Variants in ACADL observed in about 807,000 individuals in gnomAD.
The protein encoded by ACADL is long-chain specific acyl-CoA dehydrogenase, mitochondrial.
Under a neutral mutation model 56.9 loss-of-function variants are expected in ACADL, and 60 were observed. The observed-to-expected ratio is 1.05, with a 90% confidence interval of 0.86 to 1.31. The LOEUF (loss-of-function observed/expected upper bound fraction) is 1.31, where lower values mean the gene tolerates loss of function less well. Ranked by LOEUF, ACADL falls within the 50% of genes most tolerant of loss-of-function variation. ACADL has a pLI of 0.00. For synonymous variants in ACADL, 158 were observed against 179.7 expected, an observed-to-expected ratio of 0.88 and a Z score of 0.97; for missense variants, 484 against 525.5, an observed-to-expected ratio of 0.92 and a Z score of 0.77.
At chr2:210,189,869 G>A (rs1688604097) in intron 10 of ACADL, among the ~76,000 whole-genome samples, 1 of 152,094 alleles carries the variant, frequency 6.6e-6, no homozygotes, top group African/African-American at 2.4e-5. Flanking sequence ...GCTATTTAAT[G>A]GTCACCAACA....
chr2:210,192,402 A>C (rs1314652418), intron 10 of ACADL, among the ~76,000 whole-genome samples: 1 of 152,166 alleles, frequency 6.6e-6, no homozygotes, highest in Non-Finnish European at 1.5e-5. Context: ...AGGCACAAGA[A>C]TTATTTGAAC....
chr2:210,199,497 A>AT (rs1688761446), intron 8 of ACADL, among the ~76,000 whole-genome samples: 1 of 152,072 alleles, frequency 6.6e-6, no homozygotes. Context: ...TTAAAAGAAT[A>AT]TTTTTCCCCT....
chr2:210,218,180 A>T, intron 2 of ACADL, 78 bp from the exon 3 acceptor site: 1 of 1,359,242 alleles, frequency 7.4e-7, no homozygotes, highest in Non-Finnish European at 1.0e-6. Flanking sequence ...CTTATGAATG[A>T]TTTTGTGTAG....
In ACADL at chr2:210,220,690, C is replaced by A; in HGVS notation, c.190G>T (p.Val64Leu). Residue 64 changes from valine to leucine, a missense_variant, in exon 2 of 11, where the codon GTA becomes TTA. By Grantham distance (32) the Val-to-Leu change is conservative. Transcript: ENST00000233710. ...ACTTCTTCTTGGAAAAACTTCCTTA[C>A]ACTTTTCCGGAAAATGTCATGCTCT... is the stretch of plus-strand genomic sequence containing the variant. ...SPEHDIFRKS[V>L]RKFFQEEVIP... 1.2e-6 allele frequency: 2 copies of A among 1,613,586 alleles called. No homozygotes were observed. The highest frequency in any genetic ancestry group is 1.7e-6 in the Non-Finnish European group (2 of 1,179,772).
chr2:210,210,323 ATATAAG>A (rs1187356952), intron 4 of ACADL, 61 bp from the exon 5 acceptor site: 15 of 1,237,762 alleles, frequency 1.2e-5, no homozygotes, highest in African/African-American at 1.0e-4. Context: ...TATACAAATG[ATATAAG>A]TATGTATGTA....
intron 1 of ACADL, chr2:210,224,289 A>T: frequency 2.4e-6 from 1 of 410,008 alleles, no homozygotes; most frequent in Non-Finnish European, 3.3e-6. Flanking sequence ...AGGAAGAGTT[A>T]AGTATGTATC....
At chr2:210,198,645 C>T (rs1043763951) in intron 8 of ACADL, among the ~76,000 whole-genome samples, 1 of 151,924 alleles carries the variant, frequency 6.6e-6, no homozygotes, top group Non-Finnish European at 1.5e-5. Context: ...AGTGTAGGTT[C>T]TGGAATTAGA....
intron 10 of ACADL, 83 bp downstream of exon 10, chr2:210,192,721 C>T (rs944024241): frequency 9.7e-7 from 1 of 1,030,694 alleles, no homozygotes; most frequent in African/African-American, 1.6e-5. Context: ...ACCTCCTTTC[C>T]CTCTACATTT....
intron 9 of ACADL, among the ~76,000 whole-genome samples, 197 bp downstream of exon 9, chr2:210,195,014 C>A (rs1688684846): frequency 6.6e-6 from 1 of 152,018 alleles, no homozygotes; most frequent in Non-Finnish European, 1.5e-5. Flanking sequence ...AAATTAAATA[C>A]CAACTTGAAA....
In ACADL at chr2:210,220,736, T is replaced by A; in HGVS notation, c.144A>T (p.Gly48=). The change falls in exon 2 of 11, where the codon GGA becomes GGT. Residue 48 remains glycine (G), a synonymous_variant. Coordinates refer to ENST00000233710, the MANE Select transcript of ACADL (RefSeq NM_001608.4). Reference sequence around the variant, plus strand: ...GCTCTGGAGAAAAGATTCTTCGAATTCCTATATCTGTTAATTTTTTAGCAG... The same window carrying A: ...GCTCTGGAGAAAAGATTCTTCGAATACCTATATCTGTTAATTTTTTAGCAG... ...TPSAKKLTDI[G]IRRIFSPEHD... is the part of the protein sequence containing the mutation. 1.9e-6 allele frequency: 3 copies of A among 1,612,976 alleles called. No individual in the cohort carries two copies. The highest frequency in any genetic ancestry group is 2.5e-6 in the Non-Finnish European group (3 of 1,179,472).
rs763249714 is a variant in ACADL, at chr2:210,205,722, A to G, written c.678T>C (p.Pro226=). The G allele has an allele frequency of 1.9e-6, 3 of 1,614,006 alleles. No individual in the cohort carries two copies. Among genetic ancestry groups the G allele is most frequent in the Middle Eastern group, 1.7e-4 (1 of 6,056 alleles). ...CCAGAAAAAGGCTAATACCATGGGC[A>G]GGGGAGGGAGCTTCATGATTTGTGA... The part of the protein sequence containing the change: ...VAVTNHEAPS[P]AHGISLFLVE... The change falls in exon 6 of 11, where the codon CCT becomes CCC. Residue 226 remains proline, a synonymous_variant. Coordinates refer to ENST00000233710, the MANE Select transcript of ACADL (RefSeq NM_001608.4).
chr2:210,222,590 C>T (rs1049664432), intron 1 of ACADL, among the ~76,000 whole-genome samples: 1 of 151,694 alleles, frequency 6.6e-6, no homozygotes, highest in Non-Finnish European at 1.5e-5. Flanking sequence ...TGAGCAAACC[C>T]TTGAAGGTGA....
chr2:210,222,517 A>AGACAAGG (rs1575683640), intron 1 of ACADL, among the ~76,000 whole-genome samples: 1 of 151,984 alleles, frequency 6.6e-6, no homozygotes, highest in East Asian at 1.9e-4. Context: ...ACAAAAAAAA[A>AGACAAGG]AAAAAAAGGA....
At chr2:210,208,188 C>A (rs1251256912) in intron 5 of ACADL, among the ~76,000 whole-genome samples, 4 of 152,114 alleles carry the variant, frequency 2.6e-5, no homozygotes. Flanking sequence ...TGGTCTCATA[C>A]ATGTTTTAAC....
chr2:210,207,545 G>T (rs1361143790), intron 5 of ACADL, among the ~76,000 whole-genome samples: 1 of 152,024 alleles, frequency 6.6e-6, no homozygotes, highest in African/African-American at 2.4e-5. Context: ...ACTCATCCTG[G>T]GTGGTTTAGA....
At position 210,225,288 on chromosome 2, in the gene ACADL, C is replaced by A. The variant is rs1174720297; in HGVS notation, c.-25G>T. 22 of 1,542,296 alleles carry A rather than the reference C, an allele frequency of 1.4e-5. No homozygotes were observed. In the East Asian group the frequency reaches 4.2e-4, roughly 29 times the overall value. ...TGTCCGAAACACAGGGGCGGCGGGGCGACGGAGGCGACTCTGCGGCTACTC... is the reference window on the plus strand; with the variant it reads ...TGTCCGAAACACAGGGGCGGCGGGGAGACGGAGGCGACTCTGCGGCTACTC... On this transcript the variant is annotated 5_prime_UTR_variant, in exon 1 of 11. Transcript: ENST00000233710.
At chr2:210,214,523 A>AAGAAAAAGAAAGAAAGAG in intron 4 of ACADL, among the ~76,000 whole-genome samples, 1 of 151,882 alleles carries the variant, frequency 6.6e-6, no homozygotes, top group Non-Finnish European at 1.5e-5. Context: ...GAAAGAAAGA[A>AAGAAAAAGAAAGAAAGAG]AGAAAGAAAT....
At chr2:210,191,362 G>A (rs1180764925) in intron 10 of ACADL, among the ~76,000 whole-genome samples, 1 of 152,126 alleles carries the variant, frequency 6.6e-6, no homozygotes, top group African/African-American at 2.4e-5. Context: ...TGAAACCAGA[G>A]ATTTCAAATA....
At chr2:210,200,929 T>G (rs1688781960) in intron 8 of ACADL, among the ~76,000 whole-genome samples, 1 of 152,218 alleles carries the variant, frequency 6.6e-6, no homozygotes, top group East Asian at 1.9e-4. Flanking sequence ...AAGCGCTTTA[T>G]GTATATTACC....
Sources: gnomAD v4.1 joint callset for allele counts (sites outside exome capture counted in the v4.1 genomes callset) on GRCh38, gnomAD v4.1.1 for gene constraint, MANE v1.5 for transcripts, NCBI Gene and HGNC (gene_info 2026-07-23, HGNC 2026-07-21) for gene names.